The following PPM1B variants were observed in gnomAD, a reference collection of about 807,000 sequenced individuals.
PPM1B encodes the protein protein phosphatase, Mg2+/Mn2+ dependent 1B, also known as protein phosphatase 1B.
In PPM1B, 22 loss-of-function variants were observed where a neutral mutation model predicts 43.0. The ratio of observed to expected loss-of-function variants is 0.51; its 90% CI spans 0.37 to 0.73. The LOEUF (loss-of-function observed/expected upper bound fraction) is 0.73. Among genes scored for constraint, PPM1B ranks in the 30% least tolerant of loss-of-function variants. The pLI is 0.00. For missense variants in PPM1B, 632 were observed against 584.2 expected (o/e 1.08, Z -0.84); for synonymous variants, 217 against 197.9 (o/e 1.10, Z -0.81).
intron 5 of PPM1B, among the ~76,000 whole-genome samples, chr2:44,221,134 C>T (rs1669961403): frequency 6.6e-6 from 1 of 152,132 alleles, no homozygotes; most frequent in Non-Finnish European, 1.5e-5. Flanking sequence ...TAAAGAGATG[C>T]AGGCAGTCAG....
intron 4 of PPM1B, 147 bp downstream of exon 4, chr2:44,218,225 T>G: frequency 2.8e-6 from 2 of 706,882 alleles, no homozygotes; most frequent in Non-Finnish European, 4.8e-6. Flanking sequence ...CTCTTAAAAC[T>G]TCAACCAAAA....
At chr2:44,178,302 T>G (rs1667683182) in intron 1 of PPM1B, among the ~76,000 whole-genome samples, 1 of 151,962 alleles carries the variant, frequency 6.6e-6, no homozygotes, top group South Asian at 2.1e-4. Context: ...ACCATTTACA[T>G]GCCATATATA....
chr2:44,207,019 T>G (rs919279010), intron 2 of PPM1B, among the ~76,000 whole-genome samples: 3 of 152,252 alleles, frequency 2.0e-5, no homozygotes, highest in African/African-American at 4.8e-5. Flanking sequence ...AGGAATGAAT[T>G]AATTTGGCCA....
chr2:44,208,221 G>A (rs1669286960), intron 2 of PPM1B, among the ~76,000 whole-genome samples: 1 of 151,962 alleles, frequency 6.6e-6, no homozygotes, highest in South Asian at 2.1e-4. Context: ...AATTTGTGAT[G>A]GTGTGGTTAA....
At position 44,209,278 on chromosome 2, in the gene PPM1B, G is replaced by A. The variant is rs181427259; in HGVS notation, c.915G>A (p.Ala305=). The part of the protein sequence containing the change: ...FSNAPKVSDE[A]VKKDSELDKH... ...ATGCTCCCAAGGTCTCAGATGAAGCGGTGAAAAAAGATTCAGAGTTGGATA... is the reference window on the plus strand; with the variant it reads ...ATGCTCCCAAGGTCTCAGATGAAGCAGTGAAAAAAGATTCAGAGTTGGATA... Residue 305 remains alanine (A), a synonymous_variant, in exon 3 of 6, where the codon GCG becomes GCA. Transcript: ENST00000282412. 9.3e-6 allele frequency: 15 copies of A among 1,613,700 alleles called. No individual in the cohort carries two copies. Among genetic ancestry groups the A allele is most frequent in the East Asian group, 8.9e-5 (4 of 44,878 alleles).
At position 44,203,120 on chromosome 2, in the gene PPM1B, A is replaced by C. The variant is rs187406859; in HGVS notation, c.846+1075A>C. On this transcript the variant is annotated intron_variant, in intron 2 of 5. Transcript: ENST00000282412. ...GATCTCTGGGTCTCTGGAAATGCCC[A>C]GATTTTGGTTAAATACCGATTTCTT... Among the ~76,000 whole-genome samples the C allele has an allele frequency of 2.2e-3, 334 of 152,320 alleles. 2 individuals carry two copies. Among genetic ancestry groups the C allele is most frequent in the African/African-American group, 7.7e-3 (321 of 41,572 alleles).
At chr2:44,224,240 G>A (rs1019465077) in intron 5 of PPM1B, among the ~76,000 whole-genome samples, 44 of 152,126 alleles carry the variant, frequency 2.9e-4, no homozygotes, top group African/African-American at 1.0e-3. Context: ...CGGATCACAA[G>A]GTCAGGAGAT....
In PPM1B at chr2:44,231,040, T is replaced by A; in HGVS notation, c.*322T>A. Reference sequence around the variant, plus strand: ...GAAATTTTGATTAGAGAGATTATGCTATATTATGGAAAAACTTGTTAATGT... The same window carrying A: ...GAAATTTTGATTAGAGAGATTATGCAATATTATGGAAAAACTTGTTAATGT... On this transcript the variant is annotated 3_prime_UTR_variant, in exon 6 of 6. Transcript: ENST00000282412. 1 of 932,034 alleles carries A rather than the reference T, an allele frequency of 1.1e-6. No homozygotes were observed. The highest frequency in any genetic ancestry group is 1.3e-6 in the Non-Finnish European group (1 of 772,704). 57.7% of individuals were successfully genotyped at this position (932,034 alleles called of 1,614,324 possible).
At chr2:44,208,441 G>A (rs780705683) in intron 2 of PPM1B, among the ~76,000 whole-genome samples, 43 of 152,100 alleles carry the variant, frequency 2.8e-4, no homozygotes, top group South Asian at 4.2e-4. Context: ...GGCTGGGCGC[G>A]GTGGCTCATG....
At chr2:44,237,158 A>G (rs1191177750), downstream of PPM1B, among the ~76,000 whole-genome samples, 1 of 152,228 alleles carries the variant, frequency 6.6e-6, no homozygotes, top group Non-Finnish European at 1.5e-5. Flanking sequence ...CATTATAACA[A>G]TTTGCACTGT....
chr2:44,195,274 G>A (rs1324975768), intron 1 of PPM1B, among the ~76,000 whole-genome samples: 1 of 149,984 alleles, frequency 6.7e-6, no homozygotes, highest in Non-Finnish European at 1.5e-5. Context: ...CATGATCATA[G>A]TTCACTACAG....
chr2:44,232,537 G>C, downstream of PPM1B: 1 of 1,438,442 alleles, frequency 7.0e-7, no homozygotes, highest in South Asian at 1.5e-5. Context: ...TTGTAGCATT[G>C]CCTGTACTAC....
At chr2:44,180,465 A>T (rs1667820546) in intron 1 of PPM1B, among the ~76,000 whole-genome samples, 1 of 152,172 alleles carries the variant, frequency 6.6e-6, no homozygotes, top group African/African-American at 2.4e-5. Flanking sequence ...GAAATCAAGG[A>T]CTGCTTGTAC....
chr2:44,227,898 G>T (rs1464968718), intron 5 of PPM1B, among the ~76,000 whole-genome samples: 3 of 143,678 alleles, frequency 2.1e-5, no homozygotes, highest in African/African-American at 7.6e-5. Flanking sequence ...AGGAAAACAA[G>T]CACTTTTTTT....
At chr2:44,174,356 A>G (rs960778246) in intron 1 of PPM1B, among the ~76,000 whole-genome samples, 3 of 152,260 alleles carry the variant, frequency 2.0e-5, no homozygotes, top group Non-Finnish European at 2.9e-5. Flanking sequence ...TGTATTGACT[A>G]TTAAGGAACT....
intron 1 of PPM1B, among the ~76,000 whole-genome samples, chr2:44,182,406 T>TG (rs1242269278): frequency 6.6e-6 from 1 of 151,942 alleles, no homozygotes; most frequent in Non-Finnish European, 1.5e-5. Context: ...ATTACAGGCA[T>TG]GCACCACCAT....
At chr2:44,199,054 C>G (rs1175251569) in intron 1 of PPM1B, among the ~76,000 whole-genome samples, 6 of 151,852 alleles carry the variant, frequency 4.0e-5, no homozygotes, top group Non-Finnish European at 7.4e-5. Flanking sequence ...GTCAGGAGTT[C>G]AAGACCAATC....
At chr2:44,170,251 A>G (rs969553036) in intron 1 of PPM1B, among the ~76,000 whole-genome samples, 1 of 152,192 alleles carries the variant, frequency 6.6e-6, no homozygotes, top group Non-Finnish European at 1.5e-5. Flanking sequence ...CAACTTGAAA[A>G]CTTTTTTAAA....
At chr2:44,207,808 CTT>C (rs1669258905) in intron 2 of PPM1B, among the ~76,000 whole-genome samples, 1 of 150,638 alleles carries the variant, frequency 6.6e-6, no homozygotes, top group African/African-American at 2.4e-5. Flanking sequence ...GTCTGGAACT[CTT>C]GGGCTAAAAT....
Sources: allele counts gnomAD v4.1 joint callset (sites outside exome capture counted in the v4.1 genomes callset), GRCh38; gene constraint gnomAD v4.1.1; transcripts MANE v1.5; gene names NCBI Gene and HGNC (gene_info 2026-07-23, HGNC 2026-07-21).